Variants in CLSTN2 observed in about 807,000 individuals in gnomAD.
The protein encoded by CLSTN2 is calsyntenin-2.
CLSTN2 carries 48 observed loss-of-function variants against 101.2 expected under a neutral mutation model. The observed-to-expected ratio is 0.47, with a 90% CI of 0.38 to 0.60. CLSTN2 has a LOEUF of 0.60. CLSTN2 is among the 20% of genes least tolerant of loss of function. The probability of loss-of-function intolerance (pLI) is 0.00; values close to 1 mark genes in which losing one functional copy is unlikely to be tolerated. For synonymous variants in CLSTN2, 481 were observed against 463.6 expected (o/e 1.04, Z -0.48); for missense variants, 1,160 against 1,238.2 (o/e 0.94, Z 0.95).
At chr3:140,138,234 G>A (rs1382001626) in intron 1 of CLSTN2, among the ~76,000 whole-genome samples, 10 of 152,194 alleles carry the variant, frequency 6.6e-5, no homozygotes, top group Non-Finnish European at 8.8e-5. Flanking sequence ...CATGTGCTCA[G>A]AAGAAGGACC....
chr3:140,201,204 G>A (rs1229161975), intron 2 of CLSTN2, among the ~76,000 whole-genome samples: 2 of 152,172 alleles, frequency 1.3e-5, no homozygotes, highest in Admixed American at 6.6e-5. Flanking sequence ...TTTGGTGTCC[G>A]TTCAACTGGG....
At chr3:140,064,305 G>T (rs1011483491) in intron 1 of CLSTN2, among the ~76,000 whole-genome samples, 2 of 152,188 alleles carry the variant, frequency 1.3e-5, no homozygotes, top group Non-Finnish European at 2.9e-5. Context: ...TCCTTTTCCT[G>T]TTTCTGGTTT....
intron 1 of CLSTN2, among the ~76,000 whole-genome samples, chr3:140,105,032 C>A (rs1365225348): frequency 2.0e-5 from 3 of 152,196 alleles, no homozygotes; most frequent in African/African-American, 7.2e-5. Flanking sequence ...ATATAGAAAT[C>A]TTATTCCAGG....
intron 2 of CLSTN2, among the ~76,000 whole-genome samples, chr3:140,338,194 ATCTC>A (rs996987789): frequency 1.3e-5 from 2 of 151,416 alleles, no homozygotes; most frequent in Admixed American, 6.6e-5. Flanking sequence ...TCTCTGACTG[ATCTC>A]TCTCTCTCTC....
chr3:140,343,762 T>C (rs1217635531), intron 2 of CLSTN2, among the ~76,000 whole-genome samples: 3 of 152,268 alleles, frequency 2.0e-5, no homozygotes, highest in African/African-American at 7.2e-5. Context: ...TATTCTAACT[T>C]GAAAGAGTTT....
chr3:140,451,080 G>T (rs762264439), intron 6 of CLSTN2, among the ~76,000 whole-genome samples: 14 of 152,250 alleles, frequency 9.2e-5, no homozygotes, highest in South Asian at 2.1e-4. Context: ...ACCCTACTTT[G>T]CTCCCCATGC....
chr3:140,276,988 G>A (rs1302831038), intron 2 of CLSTN2, among the ~76,000 whole-genome samples: 1 of 152,162 alleles, frequency 6.6e-6, no homozygotes, highest in Admixed American at 6.6e-5. Context: ...AGTTGCAGAC[G>A]TGGGCTGAGG....
At chr3:140,379,295 G>A (rs1213675885) in intron 2 of CLSTN2, among the ~76,000 whole-genome samples, 2 of 152,160 alleles carry the variant, frequency 1.3e-5, no homozygotes, top group African/African-American at 4.8e-5. Flanking sequence ...ACAATCTCTG[G>A]ACCATAATGA....
At chr3:140,290,550 TC>T (rs1336181245) in intron 2 of CLSTN2, among the ~76,000 whole-genome samples, 2 of 152,150 alleles carry the variant, frequency 1.3e-5, no homozygotes, top group African/African-American at 2.4e-5. Flanking sequence ...GGGAACACTC[TC>T]TTGTCTTCTG....
At chr3:140,427,184 A>AATATATAT (rs1177459069) in intron 5 of CLSTN2, among the ~76,000 whole-genome samples, 1 of 94,202 alleles carries the variant, frequency 1.1e-5, no homozygotes, top group Non-Finnish European at 1.8e-5. Context: ...AAAAAAAAAA[A>AATATATAT]ATATATATAT....
At chr3:140,471,727 G>A (rs1451616060) in intron 8 of CLSTN2, among the ~76,000 whole-genome samples, 1 of 152,172 alleles carries the variant, frequency 6.6e-6, no homozygotes, top group Non-Finnish European at 1.5e-5. Context: ...AGATTCAGTG[G>A]AAAGTAAAAT....
At chr3:140,265,790 A>G (rs568648836) in intron 2 of CLSTN2, among the ~76,000 whole-genome samples, 1 of 152,186 alleles carries the variant, frequency 6.6e-6, no homozygotes, top group Non-Finnish European at 1.5e-5. Context: ...AGAATATTAC[A>G]TATCAAAGGG....
At chr3:140,023,982 C>T (rs1239710022) in intron 1 of CLSTN2, among the ~76,000 whole-genome samples, 1 of 152,182 alleles carries the variant, frequency 6.6e-6, no homozygotes, top group African/African-American at 2.4e-5. Flanking sequence ...ACTACAGTTG[C>T]TTCTAAGCAG....
intron 9 of CLSTN2, among the ~76,000 whole-genome samples, chr3:140,540,912 G>A (rs1004707184): frequency 5.3e-5 from 8 of 152,154 alleles, no homozygotes; most frequent in African/African-American, 1.7e-4. Flanking sequence ...TGCAAACTCC[G>A]ACTCAGAATA....
At chr3:139,968,559 C>T (rs1170444187) in intron 1 of CLSTN2, among the ~76,000 whole-genome samples, 3 of 152,198 alleles carry the variant, frequency 2.0e-5, no homozygotes, top group Non-Finnish European at 4.4e-5. Flanking sequence ...AGTGAGAAGG[C>T]CCTCACCAGA....
In CLSTN2 at chr3:140,366,167, G is replaced by A. The variant is rs565203747; in HGVS notation, c.233-37462G>A. ...CTTTCCCTGATCGTACTGATCCCTG[G>A]GATGGATGGACAGTGTCCTTATCAC... On this transcript the variant is annotated intron_variant, in intron 2 of 16. Coordinates refer to ENST00000458420, the MANE Select transcript of CLSTN2 (RefSeq NM_022131.3). Among the ~76,000 whole-genome samples, 153 of 152,298 alleles carry A rather than the reference G, an allele frequency of 1.0e-3. 6 individuals are homozygous for A. The South Asian group carries it at 0.031, about 31-fold the overall frequency.
chr3:140,028,206 T>A (rs2007461451), intron 1 of CLSTN2, among the ~76,000 whole-genome samples: 1 of 152,160 alleles, frequency 6.6e-6, no homozygotes, highest in Admixed American at 6.6e-5. Flanking sequence ...GGGAAGGTCG[T>A]GTTTCTTAAG....
intron 1 of CLSTN2, among the ~76,000 whole-genome samples, chr3:140,170,904 G>T (rs59261988): frequency 0.019 from 2,823 of 152,198 alleles, 220 homozygotes; most frequent in Admixed American, 0.13. Flanking sequence ...GGCAAAAGTG[G>T]CTAAGTCAGG....
intron 2 of CLSTN2, among the ~76,000 whole-genome samples, chr3:140,199,181 T>C (rs2010687383): frequency 6.6e-6 from 1 of 152,196 alleles, no homozygotes; most frequent in Admixed American, 6.5e-5. Context: ...CGCAGAATAT[T>C]GCATCAGACT....
Sources: gnomAD v4.1 joint callset for allele counts (sites outside exome capture counted in the v4.1 genomes callset) on GRCh38, gnomAD v4.1.1 for gene constraint, MANE v1.5 for transcripts, NCBI Gene and HGNC (gene_info 2026-07-23, HGNC 2026-07-21) for gene names.